The following CADPS variants were observed in gnomAD, a reference collection of about 807,000 sequenced individuals.
The protein encoded by CADPS is calcium dependent secretion activator.
A neutral mutation model predicts 167.3 loss-of-function variants in CADPS; 57 were observed. The ratio of observed to expected loss-of-function variants is 0.34; its 90% CI spans 0.28 to 0.42. The LOEUF is 0.42. CADPS is among the 20% of genes least tolerant of loss of function. The pLI is 1.00. For missense variants in CADPS, 1,414 were observed against 1,738.1 expected, an observed-to-expected ratio of 0.81 and a Z score of 3.32; for synonymous variants, 676 against 635.3, an observed-to-expected ratio of 1.06 and a Z score of -0.96.
intron 3 of CADPS, among the ~76,000 whole-genome samples, chr3:62,693,161 C>T (rs6781363): frequency 0.54 from 81,340 of 151,830 alleles, 22,953 homozygotes; most frequent in East Asian, 0.95. Context: ...TGCTTCAGTC[C>T]ACTTTCTTAG....
chr3:62,633,093 A>G (rs1308510038), intron 6 of CADPS, among the ~76,000 whole-genome samples: 1 of 152,100 alleles, frequency 6.6e-6, no homozygotes, highest in African/African-American at 2.4e-5. Context: ...CAAACTCCGG[A>G]GAGAAGAGCC....
chr3:62,489,710 C>T (rs2063401499), intron 21 of CADPS, among the ~76,000 whole-genome samples: 4 of 152,046 alleles, frequency 2.6e-5, no homozygotes, highest in African/African-American at 9.7e-5. Context: ...TAGTAGTCTC[C>T]GTATTTAAGT....
chr3:62,481,613 T>G, intron 22 of CADPS, 110 bp downstream of exon 22: 7 of 1,008,266 alleles, frequency 6.9e-6, no homozygotes, highest in Non-Finnish European at 1.0e-5. Context: ...AAAATATGTC[T>G]AATTATCCAT....
intron 3 of CADPS, among the ~76,000 whole-genome samples, chr3:62,744,138 G>A (rs1397753203): frequency 6.6e-6 from 1 of 152,030 alleles, no homozygotes; most frequent in African/African-American, 2.4e-5. Flanking sequence ...CTGCTTTAAA[G>A]GCTTGTTATG....
intron 9 of CADPS, among the ~76,000 whole-genome samples, chr3:62,560,158 G>A (rs981315372): frequency 1.3e-5 from 2 of 152,040 alleles, no homozygotes; most frequent in African/African-American, 4.8e-5. Context: ...TGTACTTTAG[G>A]AAATAAAGGA....
intron 26 of CADPS, among the ~76,000 whole-genome samples, chr3:62,450,123 T>A (rs2057821093): frequency 6.6e-6 from 1 of 152,218 alleles, no homozygotes; most frequent in South Asian, 2.1e-4. Context: ...ACGGGCAATT[T>A]CTTGCTATAA....
intron 1 of CADPS, among the ~76,000 whole-genome samples, chr3:62,795,009 G>T (rs1266884449): frequency 6.6e-6 from 1 of 152,028 alleles, no homozygotes; most frequent in African/African-American, 2.4e-5. Context: ...GCTGCTGAGT[G>T]CTTTTGGTCT....
intron 3 of CADPS, among the ~76,000 whole-genome samples, chr3:62,685,516 C>T (rs2077844828): frequency 6.6e-6 from 1 of 151,762 alleles, no homozygotes; most frequent in African/African-American, 2.4e-5. Flanking sequence ...AACTGAAGTC[C>T]AGAATGTGAA....
intron 6 of CADPS, among the ~76,000 whole-genome samples, chr3:62,604,896 G>C (rs181732394): frequency 6.6e-6 from 1 of 152,206 alleles, no homozygotes; most frequent in Admixed American, 6.5e-5. Context: ...AAGTTATAGG[G>C]AAAGCATTCA....
intron 1 of CADPS, among the ~76,000 whole-genome samples, chr3:62,793,508 A>T (rs1311001137): frequency 6.6e-6 from 1 of 152,242 alleles, no homozygotes; most frequent in Non-Finnish European, 1.5e-5. Context: ...CAGTTAAACC[A>T]GAATGTGGAC....
intron 24 of CADPS, among the ~76,000 whole-genome samples, chr3:62,468,461 TA>T (rs1244967764): frequency 6.6e-6 from 1 of 152,166 alleles, no homozygotes; most frequent in East Asian, 1.9e-4. Context: ...AAATAGAGAC[TA>T]GAGTAATTGT....
chr3:62,419,389 C>T (rs1025147003), intron 28 of CADPS, among the ~76,000 whole-genome samples: 3 of 152,106 alleles, frequency 2.0e-5, no homozygotes, highest in Admixed American at 1.3e-4. Context: ...AAAATGGACC[C>T]CCATGCCTTT....
chr3:62,745,958 G>A (rs1172311067), intron 3 of CADPS, among the ~76,000 whole-genome samples: 32 of 152,220 alleles, frequency 2.1e-4, no homozygotes, highest in Non-Finnish European at 1.5e-5. Context: ...TGCATTAAGT[G>A]CTGTATAAAC....
chr3:62,873,931 G>A lies in CADPS; in HGVS notation c.441+658C>T, dbSNP rs78631938. ...GGACTGGTGAGAACTCCAGCCATAA[G>A]GAAGCAGTGCCCGAGGACACTTTGG... is the stretch of plus-strand genomic sequence containing the variant. On this transcript the variant is annotated intron_variant, in intron 1 of 29. Coordinates refer to ENST00000383710, the MANE Select transcript of CADPS (RefSeq NM_003716.4). 4.9e-3 allele frequency among the ~76,000 whole-genome samples: 747 copies of A among 152,324 alleles called. 7 individuals carry two copies. Among genetic ancestry groups the A allele is most frequent in the African/African-American group, 0.017 (705 of 41,572 alleles).
chr3:62,466,254 T>C (rs1229050134), intron 25 of CADPS, 85 bp downstream of exon 25: 1 of 929,330 alleles, frequency 1.1e-6, no homozygotes, highest in African/African-American at 1.6e-5. Context: ...CAGCTCAACT[T>C]TTTAATGTGT....
chr3:62,847,400 G>A (rs1434177927), intron 1 of CADPS, among the ~76,000 whole-genome samples: 1 of 83,096 alleles, frequency 1.2e-5, no homozygotes, highest in Non-Finnish European at 2.3e-5. Context: ...CTAGCATTAG[G>A]TATATCTCCC....
intron 13 of CADPS, among the ~76,000 whole-genome samples, chr3:62,529,711 G>A (rs970568320): frequency 6.6e-6 from 1 of 152,162 alleles, no homozygotes; most frequent in Non-Finnish European, 1.5e-5. Flanking sequence ...TCTCTAGAAA[G>A]CAAAAGTTTG....
intron 3 of CADPS, among the ~76,000 whole-genome samples, chr3:62,689,413 T>C (rs900730124): frequency 6.6e-6 from 1 of 152,090 alleles, no homozygotes; most frequent in Non-Finnish European, 1.5e-5. Flanking sequence ...CTTGAGGTTA[T>C]GACCTCCAAC....
At chr3:62,685,665 G>C (rs1252672347) in intron 3 of CADPS, among the ~76,000 whole-genome samples, 1 of 132,432 alleles carries the variant, frequency 7.6e-6, no homozygotes, top group Non-Finnish European at 1.6e-5. Context: ...AAACTTCGTG[G>C]AAGATAATTT....
Sources: allele counts gnomAD v4.1 joint callset (sites outside exome capture counted in the v4.1 genomes callset), GRCh38; gene constraint gnomAD v4.1.1; transcripts MANE v1.5; gene names NCBI Gene and HGNC (gene_info 2026-07-23, HGNC 2026-07-21).